The following TGFA variants were observed in gnomAD, a reference collection of about 807,000 sequenced individuals.
TGFA encodes the protein protransforming growth factor alpha.
In TGFA, 12 loss-of-function variants were observed where a neutral mutation model predicts 21.7. That is an observed-to-expected ratio of 0.55 (90% CI 0.35 to 0.90). The LOEUF is 0.90. TGFA is among the 40% of genes least tolerant of loss of function. TGFA has a pLI of 0.01. For missense variants in TGFA, 178 were observed against 210.8 expected, an observed-to-expected ratio of 0.84 and a Z score of 0.96; for synonymous variants, 79 against 88.1, an observed-to-expected ratio of 0.90 and a Z score of 0.58.
intron 1 of TGFA, among the ~76,000 whole-genome samples, chr2:70,518,951 T>A (rs1672369890): frequency 1.3e-5 from 2 of 152,202 alleles, no homozygotes; most frequent in Non-Finnish European, 1.5e-5. Context: ...TAAGCCAGAC[T>A]TCCTGCATGA....
intron 3 of TGFA, among the ~76,000 whole-genome samples, chr2:70,460,045 G>A (rs1290869578): frequency 1.3e-5 from 2 of 152,178 alleles, no homozygotes; most frequent in African/African-American, 4.8e-5. Context: ...ATGGGGCCTG[G>A]GCATTTTAAA....
At chr2:70,451,935 G>A (rs3771522) in intron 5 of TGFA, among the ~76,000 whole-genome samples, 35,574 of 152,074 alleles carry the variant, frequency 0.23, 4,508 homozygotes, top group East Asian at 0.3. Context: ...ATCCTCAAGA[G>A]CTGTGGCTCC....
intron 1 of TGFA, among the ~76,000 whole-genome samples, chr2:70,539,489 C>T (rs1347426711): frequency 6.6e-6 from 1 of 152,208 alleles, no homozygotes; most frequent in Non-Finnish European, 1.5e-5. Flanking sequence ...GAGTCTCACT[C>T]TGTCGCCCAG....
At chr2:70,492,892 T>C (rs968944885) in intron 2 of TGFA, among the ~76,000 whole-genome samples, 11 of 152,240 alleles carry the variant, frequency 7.2e-5, no homozygotes, top group African/African-American at 2.7e-4. Context: ...TTACATTTAG[T>C]TAGAATGCTA....
intron 2 of TGFA, among the ~76,000 whole-genome samples, chr2:70,485,010 T>C (rs1451010649): frequency 1.3e-5 from 2 of 152,198 alleles, no homozygotes; most frequent in African/African-American, 4.8e-5. Context: ...ACTGCAACCA[T>C]TGATTCGCTT....
At position 70,531,426 on chromosome 2, in the gene TGFA, C is replaced by T. The variant is rs905322901; in HGVS notation, c.41-16514G>A. 1.7e-4 allele frequency among the ~76,000 whole-genome samples: 26 copies of T among 152,168 alleles called. 1 individual carries two copies. Among genetic ancestry groups the T allele is most frequent in the Admixed American group, 1.4e-3 (22 of 15,272 alleles). ...GGAACACCTTTTAAAGCCTCAAGTA[C>T]TGCGTTTAAAAAAATAAAAAGCCAT... On this transcript the variant is annotated intron_variant, in intron 1 of 5. Transcript: ENST00000295400.
chr2:70,456,563 C>T (rs1405408644), intron 3 of TGFA, 75 bp from the exon 4 acceptor site: 2 of 1,498,014 alleles, frequency 1.3e-6, no homozygotes, highest in South Asian at 1.3e-5. Context: ...GGAGGGCTTT[C>T]CTGGAGGGAC....
chr2:70,523,268 C>T (rs1388267696), intron 1 of TGFA, among the ~76,000 whole-genome samples: 2 of 152,166 alleles, frequency 1.3e-5, no homozygotes, highest in African/African-American at 4.8e-5. Context: ...CCCAAAGAGG[C>T]CTGGCCATAT....
intron 1 of TGFA, among the ~76,000 whole-genome samples, chr2:70,535,458 C>T (rs1672945088): frequency 6.6e-6 from 1 of 152,170 alleles, no homozygotes; most frequent in Non-Finnish European, 1.5e-5. Context: ...TCGTGCTGAT[C>T]TTAGTTTTGT....
rs782374704 is a variant in TGFA at position 70,468,250 on chromosome 2, CAT to C, written c.95-2516_95-2515del. On this transcript the variant is annotated intron_variant, in intron 2 of 5. Transcript: ENST00000295400. The stretch of plus-strand genomic sequence containing the variant: ...TTAATGACAGTTACTGTCTTTCACA[CAT>C]GAGGACAAGCAGAGAAGCCCAAAGC... 2.0e-5 allele frequency: 3 copies of C among 152,228 alleles called. No individual in the cohort carries two copies. The East Asian group carries it at 5.8e-4, about 29-fold the overall frequency. 9.4% of individuals were successfully genotyped at this position (152,228 alleles called of 1,614,324 possible). A position where few individuals can be genotyped will look rare whatever the true frequency, so the allele number is the denominator to read the frequency against.
intron 2 of TGFA, among the ~76,000 whole-genome samples, chr2:70,491,132 T>G (rs1671420774): frequency 6.6e-6 from 1 of 152,232 alleles, no homozygotes; most frequent in South Asian, 2.1e-4. Flanking sequence ...GAAGGCACTG[T>G]CAGCTCCTAT....
chr2:70,536,691 C>A (rs1672977868), intron 1 of TGFA, among the ~76,000 whole-genome samples: 2 of 152,138 alleles, frequency 1.3e-5, no homozygotes, highest in South Asian at 4.1e-4. Flanking sequence ...TGGGATGCAG[C>A]AAAAGCAGTG....
intron 1 of TGFA, among the ~76,000 whole-genome samples, chr2:70,544,136 T>G (rs112396110): frequency 6.6e-6 from 1 of 152,030 alleles, no homozygotes; most frequent in South Asian, 2.1e-4. Context: ...AGAATATATG[T>G]GTATATATAA....
intron 2 of TGFA, among the ~76,000 whole-genome samples, chr2:70,511,776 A>C (rs1013694686): frequency 1.3e-5 from 2 of 152,196 alleles, no homozygotes; most frequent in Admixed American, 6.5e-5. Flanking sequence ...GAATGATGCT[A>C]ATTGTCAAAG....
chr2:70,487,509 A>T (rs2103775084), intron 2 of TGFA, among the ~76,000 whole-genome samples: 1 of 152,306 alleles, frequency 6.6e-6, no homozygotes, highest in African/African-American at 2.4e-5. Flanking sequence ...TATTGTAGAT[A>T]ATTTTGGGCA....
At chr2:70,533,606 AGGATAGGCTGCT>A (rs144544376) in intron 1 of TGFA, among the ~76,000 whole-genome samples, 15,218 of 152,170 alleles carry the variant, frequency 0.1, 844 homozygotes, top group South Asian at 0.18. Flanking sequence ...ACAGACCAGC[AGGATAGGCTGCT>A]GGATAGGCTG....
chr2:70,498,464 G>T (rs1201454881), intron 2 of TGFA, among the ~76,000 whole-genome samples: 1 of 152,202 alleles, frequency 6.6e-6, no homozygotes, highest in Non-Finnish European at 1.5e-5. Context: ...TAAGGGCAAC[G>T]GGGCTTGGGC....
intron 2 of TGFA, among the ~76,000 whole-genome samples, chr2:70,469,509 T>C (rs1482333673): frequency 6.6e-6 from 1 of 152,040 alleles, no homozygotes; most frequent in Non-Finnish European, 1.5e-5. Context: ...CTAATTTTTG[T>C]ATCTTAGTAG....
Position 70,525,520 on chromosome 2 carries a change from T to A in TGFA, c.41-10608A>T, listed in dbSNP as rs78862622. The stretch of plus-strand genomic sequence containing the variant: ...AGGTTTTCAAGAGTTAAGGGGTAAA[T>A]ACACTTACTTCTTGCAGCTCCACAT... On this transcript the variant is annotated intron_variant, in intron 1 of 5. Transcript: ENST00000295400. 2.5e-3 allele frequency among the ~76,000 whole-genome samples: 376 copies of A among 152,234 alleles called. 2 individuals are homozygous for A. The highest frequency in any genetic ancestry group is 8.5e-3 in the African/African-American group (353 of 41,554).
Sources: allele counts gnomAD v4.1 joint callset (sites outside exome capture counted in the v4.1 genomes callset), GRCh38; gene constraint gnomAD v4.1.1; transcripts MANE v1.5; gene names NCBI Gene and HGNC (gene_info 2026-07-23, HGNC 2026-07-21).